CSMD1: variants seen among roughly 807,000 people sequenced by gnomAD.
The protein encoded by CSMD1 is CUB and sushi domain-containing protein 1.
A neutral mutation model predicts 417.5 loss-of-function variants in CSMD1; 213 were observed. The observed-to-expected ratio is 0.51, with a 90% CI of 0.46 to 0.57. CSMD1 has a LOEUF of 0.57. Among genes scored for constraint, CSMD1 ranks in the 20% least tolerant of loss-of-function variants. The probability of loss-of-function intolerance (pLI) is 0.00; values close to 1 mark genes in which losing one functional copy is unlikely to be tolerated. For synonymous variants in CSMD1, 2,862 were observed against 1,736.8 expected, an observed-to-expected ratio of 1.65 and a Z score of -16.11; for missense variants, 6,923 against 4,529.7, an observed-to-expected ratio of 1.53 and a Z score of -15.17.
intron 51 of CSMD1, among the ~76,000 whole-genome samples, chr8:3,025,960 C>T (rs1449595416): frequency 6.6e-6 from 1 of 151,956 alleles, no homozygotes; most frequent in East Asian, 1.9e-4. Context: ...CTTTGGGGTC[C>T]AGTGGTAGGC....
intron 1 of CSMD1, among the ~76,000 whole-genome samples, chr8:4,939,395 C>A (rs957625279): frequency 1.3e-5 from 2 of 152,184 alleles, no homozygotes; most frequent in Non-Finnish European, 2.9e-5. Flanking sequence ...ATGGAAACAA[C>A]CTCAGTGACC....
chr8:4,524,761 C>G (rs1198192579), intron 2 of CSMD1, among the ~76,000 whole-genome samples: 2 of 152,058 alleles, frequency 1.3e-5, no homozygotes, highest in Non-Finnish European at 2.9e-5. Context: ...ATACATGATT[C>G]TATCGACAAA....
At chr8:4,254,996 AT>A in intron 3 of CSMD1, among the ~76,000 whole-genome samples, 1 of 152,350 alleles carries the variant, frequency 6.6e-6, no homozygotes, top group East Asian at 1.9e-4. Flanking sequence ...AATCCAGAAG[AT>A]CACTCAGAGT....
At chr8:4,225,447 T>C (rs1018287625) in intron 3 of CSMD1, among the ~76,000 whole-genome samples, 3 of 152,148 alleles carry the variant, frequency 2.0e-5, no homozygotes, top group East Asian at 1.9e-4. Flanking sequence ...TGAGTATTTG[T>C]TTAGAAATAA....
intron 2 of CSMD1, among the ~76,000 whole-genome samples, chr8:4,472,339 G>A (rs1490940446): frequency 2.0e-5 from 3 of 152,086 alleles, no homozygotes; most frequent in African/African-American, 2.4e-5. Context: ...GAGAAAGCAT[G>A]TATGTACCTG....
chr8:4,571,177 T>C (rs1295425210), intron 2 of CSMD1, among the ~76,000 whole-genome samples: 1 of 152,202 alleles, frequency 6.6e-6, no homozygotes, highest in Non-Finnish European at 1.5e-5. Flanking sequence ...TTTCTTGTCT[T>C]CTGCTAGGTT....
chr8:4,244,459 C>T (rs918124443), intron 3 of CSMD1, among the ~76,000 whole-genome samples: 1 of 151,846 alleles, frequency 6.6e-6, no homozygotes, highest in African/African-American at 2.4e-5. Context: ...TTTTAAAAAG[C>T]CAAAGTTATA....
intron 2 of CSMD1, among the ~76,000 whole-genome samples, chr8:4,613,063 G>C (rs1801273127): frequency 6.6e-6 from 1 of 152,076 alleles, no homozygotes; most frequent in Admixed American, 6.5e-5. Context: ...TTTGGTGGCT[G>C]GTTTTCCCTC....
intron 3 of CSMD1, among the ~76,000 whole-genome samples, chr8:4,182,722 A>G (rs976989407): frequency 6.6e-6 from 1 of 152,212 alleles, no homozygotes; most frequent in East Asian, 1.9e-4. Context: ...GAAAAAGAAC[A>G]GCTATATAAA....
chr8:3,998,174 C>A, intron 4 of CSMD1, 64 bp from the exon 5 acceptor site: 3 of 1,383,924 alleles, frequency 2.2e-6, no homozygotes, highest in East Asian at 2.5e-5. Context: ...ACGAGTGTGT[C>A]CACCAAGTGT....
At chr8:4,968,558 A>AT (rs899109652) in intron 1 of CSMD1, among the ~76,000 whole-genome samples, 1 of 151,982 alleles carries the variant, frequency 6.6e-6, no homozygotes, top group Admixed American at 6.6e-5. Context: ...TTTTATATAT[A>AT]TTTTTTTCCG....
intron 26 of CSMD1, among the ~76,000 whole-genome samples, chr8:3,253,881 G>A (rs1230368220): frequency 2.6e-5 from 4 of 152,124 alleles, no homozygotes; most frequent in Admixed American, 6.5e-5. Flanking sequence ...TACATTTAAG[G>A]TTTATATTGT....
chr8:3,262,195 A>ATCTATATATATATATATATATATC (rs1448348872), intron 26 of CSMD1, among the ~76,000 whole-genome samples: 1 of 78,094 alleles, frequency 1.3e-5, no homozygotes, highest in African/African-American at 4.7e-5. Flanking sequence ...ATATATATAT[A>ATCTATATATATATATATATATATC]TATATATATA....
At chr8:4,584,889 G>T (rs1176354580) in intron 2 of CSMD1, among the ~76,000 whole-genome samples, 1 of 152,038 alleles carries the variant, frequency 6.6e-6, no homozygotes, top group East Asian at 1.9e-4. Flanking sequence ...GGATTGCATT[G>T]GATTGGATTA....
intron 1 of CSMD1, among the ~76,000 whole-genome samples, chr8:4,857,200 G>C (rs1235218047): frequency 6.7e-6 from 1 of 149,958 alleles, no homozygotes; most frequent in Non-Finnish European, 1.5e-5. Flanking sequence ...CAGAAATAAA[G>C]ATGTTCTTTG....
chr8:4,292,306 G>C (rs183105695), intron 3 of CSMD1, among the ~76,000 whole-genome samples: 1 of 152,122 alleles, frequency 6.6e-6, no homozygotes, highest in Admixed American at 6.5e-5. Flanking sequence ...AGGCTGGAGT[G>C]CAGTGTCGCG....
rs545705072 is a variant in CSMD1, at chr8:3,312,279, T to C, written c.3632-3776A>G. 2.4e-4 allele frequency among the ~76,000 whole-genome samples: 37 copies of C among 152,348 alleles called. 1 individual carries two copies. The South Asian group carries it at 5.2e-3, about 21-fold the overall frequency. ...CAGAAGAATTAAGCCAAGTTATTTATGGCAGCGTAGTTTTCTCTTTATATG... is the reference window on the plus strand; with the variant it reads ...CAGAAGAATTAAGCCAAGTTATTTACGGCAGCGTAGTTTTCTCTTTATATG... On this transcript the variant is annotated intron_variant, in intron 23 of 69. Transcript: ENST00000635120.
At chr8:3,701,104 C>G (rs1214400745) in intron 7 of CSMD1, among the ~76,000 whole-genome samples, 1 of 151,856 alleles carries the variant, frequency 6.6e-6, no homozygotes, top group African/African-American at 2.4e-5. Context: ...TGGTGGAAGT[C>G]ACAGACTTCT....
intron 2 of CSMD1, among the ~76,000 whole-genome samples, chr8:4,456,219 T>A (rs1322579697): frequency 1.3e-5 from 2 of 152,008 alleles, no homozygotes; most frequent in Non-Finnish European, 2.9e-5. Flanking sequence ...CTTGGGCCAA[T>A]TGGTTCAGAA....
Sources: gnomAD v4.1 joint callset for allele counts (sites outside exome capture counted in the v4.1 genomes callset) on GRCh38, gnomAD v4.1.1 for gene constraint, MANE v1.5 for transcripts, NCBI Gene and HGNC (gene_info 2026-07-23, HGNC 2026-07-21) for gene names.